Variants in CDC73 observed in about 807,000 individuals in gnomAD.
CDC73 encodes cell division cycle 73.
A neutral mutation model predicts 83.7 loss-of-function variants in CDC73; 21 were observed. The observed-to-expected ratio is 0.25, with a 90% CI of 0.18 to 0.36. CDC73 has a LOEUF of 0.36. CDC73 is among the 10% of genes least tolerant of loss of function. The probability of loss-of-function intolerance (pLI) is 1.00; values close to 1 mark genes in which losing one functional copy is unlikely to be tolerated. For missense variants in CDC73, 342 were observed against 653.3 expected (o/e 0.52, Z 5.19); for synonymous variants, 224 against 212.9 (o/e 1.05, Z -0.45).
chr1:193,160,615 T>G (rs747989908), intron 10 of CDC73, among the ~76,000 whole-genome samples: 1 of 152,074 alleles, frequency 6.6e-6, no homozygotes, highest in Non-Finnish European at 1.5e-5. Flanking sequence ...TTAACAAAAT[T>G]ATTGTCAGTG....
At chr1:193,143,245 G>T (rs934593123) in intron 7 of CDC73, among the ~76,000 whole-genome samples, 4 of 152,098 alleles carry the variant, frequency 2.6e-5, no homozygotes, top group Non-Finnish European at 5.9e-5. Flanking sequence ...AGAAATCTGA[G>T]GATGTGAGTA....
rs556896257 is a variant in CDC73, at chr1:193,252,355, C to G, written c.*1643C>G. ...AAATTACATGTTGTGTAAACTTTCT[C>G]CATGATGAAATAGTCAAGGACCAGA... On this transcript the variant is annotated 3_prime_UTR_variant, in exon 17 of 17. Coordinates refer to ENST00000367435, the MANE Select transcript of CDC73 (RefSeq NM_024529.5). The G allele has an allele frequency of 4.3e-6, 1 of 229,904 alleles. No homozygotes were observed. The highest frequency in any genetic ancestry group is 8.6e-6 in the Non-Finnish European group (1 of 115,976). The allele number at this position is 229,904 out of a possible 1,614,324, so 14.2% of individuals were successfully genotyped here.
intron 11 of CDC73, among the ~76,000 whole-genome samples, chr1:193,204,732 A>C (rs948627043): frequency 6.6e-6 from 1 of 152,212 alleles, no homozygotes; most frequent in Non-Finnish European, 1.5e-5. Context: ...AGTTAAAGAA[A>C]ATTTTTAAGA....
intron 13 of CDC73, among the ~76,000 whole-genome samples, chr1:193,219,680 C>T (rs934630652): frequency 2.0e-5 from 3 of 152,088 alleles, no homozygotes; most frequent in African/African-American, 2.4e-5. Context: ...AGCTAGACAT[C>T]GAGTACATGT....
intron 3 of CDC73, among the ~76,000 whole-genome samples, chr1:193,133,908 ATT>A (rs35439221): frequency 3.4e-5 from 5 of 147,004 alleles, no homozygotes; most frequent in East Asian, 2.0e-4. Context: ...CGGAGATAGG[ATT>A]TTTTTTTTTT....
At chr1:193,194,499 C>T (rs774457651) in intron 10 of CDC73, among the ~76,000 whole-genome samples, 94 of 152,246 alleles carry the variant, frequency 6.2e-4, no homozygotes, top group Non-Finnish European at 1.1e-3. Flanking sequence ...TACCATCTAC[C>T]TTATCCATGT....
intron 10 of CDC73, among the ~76,000 whole-genome samples, chr1:193,164,701 A>G (rs1233706460): frequency 6.6e-6 from 1 of 152,118 alleles, no homozygotes; most frequent in Non-Finnish European, 1.5e-5. Flanking sequence ...GGCACTGCTT[A>G]GATAGGTTTT....
At chr1:193,166,806 C>T (rs902175377) in intron 10 of CDC73, among the ~76,000 whole-genome samples, 1 of 152,026 alleles carries the variant, frequency 6.6e-6, no homozygotes, top group African/African-American at 2.4e-5. Context: ...CGCCACCACG[C>T]CCGGCTATTT....
At chr1:193,214,730 A>T (rs569073470) in intron 13 of CDC73, among the ~76,000 whole-genome samples, 1 of 152,314 alleles carries the variant, frequency 6.6e-6, no homozygotes, top group African/African-American at 2.4e-5. Context: ...AATAAGAAAA[A>T]AATAGATTAT....
At chr1:193,194,854 G>T (rs1253776076) in intron 10 of CDC73, among the ~76,000 whole-genome samples, 3 of 151,704 alleles carry the variant, frequency 2.0e-5, no homozygotes, top group Non-Finnish European at 4.4e-5. Flanking sequence ...TATTAGTCTG[G>T]GTTCTCTAGA....
At chr1:193,180,366 T>A in intron 10 of CDC73, 2 of 1,612,698 alleles carry the variant, frequency 1.2e-6, no homozygotes, top group Non-Finnish European at 1.7e-6. Flanking sequence ...TGTGCTTATT[T>A]TGTTGTAAAT....
intron 7 of CDC73, among the ~76,000 whole-genome samples, chr1:193,143,384 T>C (rs1675939802): frequency 6.6e-6 from 1 of 152,140 alleles, no homozygotes. Flanking sequence ...TAAAAAAATC[T>C]CAAACTCATA....
intron 13 of CDC73, among the ~76,000 whole-genome samples, chr1:193,216,390 G>A (rs1186064794): frequency 1.3e-5 from 2 of 152,172 alleles, no homozygotes; most frequent in Non-Finnish European, 2.9e-5. Flanking sequence ...ATTGATTTAG[G>A]AAGGAATTGA....
At chr1:193,150,035 GCGAGACTGAGGT>G (rs1293876871) in intron 8 of CDC73, among the ~76,000 whole-genome samples, 4 of 152,004 alleles carry the variant, frequency 2.6e-5, no homozygotes, top group Non-Finnish European at 5.9e-5. Context: ...TTAGCACTTT[GCGAGACTGAGGT>G]CGATCACCTG....
At chr1:193,136,738 T>C (rs1675808819) in intron 5 of CDC73, among the ~76,000 whole-genome samples, 1 of 152,138 alleles carries the variant, frequency 6.6e-6, no homozygotes, top group Admixed American at 6.5e-5. Context: ...TGGTAAACAA[T>C]GTGTATGAAT....
intron 10 of CDC73, among the ~76,000 whole-genome samples, chr1:193,197,779 A>G (rs943437684): frequency 6.6e-6 from 1 of 151,998 alleles, no homozygotes; most frequent in Non-Finnish European, 1.5e-5. Flanking sequence ...TAGAAAAATT[A>G]GCCAGGTTTG....
intron 6 of CDC73, among the ~76,000 whole-genome samples, chr1:193,140,897 A>G (rs1188222233): frequency 6.6e-6 from 1 of 152,242 alleles, no homozygotes; most frequent in Non-Finnish European, 1.5e-5. Context: ...GGCTTAAGGT[A>G]TGCTGGTGTG....
intron 6 of CDC73, chr1:193,141,062 C>T (rs945730104): frequency 2.0e-5 from 3 of 152,114 alleles, no homozygotes; most frequent in Non-Finnish European, 4.4e-5. Flanking sequence ...GAATTTTTGT[C>T]CTTTTTCTAG....
At chr1:193,201,792 G>A (rs1386427748) in intron 10 of CDC73, among the ~76,000 whole-genome samples, 1 of 151,852 alleles carries the variant, frequency 6.6e-6, no homozygotes, top group Admixed American at 6.6e-5. Context: ...GACCCATGTT[G>A]TAAAATTCGT....
Sources: allele counts gnomAD v4.1 joint callset (sites outside exome capture counted in the v4.1 genomes callset), GRCh38; gene constraint gnomAD v4.1.1; transcripts MANE v1.5; gene names NCBI Gene and HGNC (gene_info 2026-07-23, HGNC 2026-07-21).